The following SLC12A6 variants were observed in gnomAD, a reference collection of about 807,000 sequenced individuals.
The protein encoded by SLC12A6 is K-Cl cotransporter 3.
A neutral mutation model predicts 135.3 loss-of-function variants in SLC12A6; 66 were observed. That is an observed-to-expected ratio of 0.49 (90% CI 0.40 to 0.60). The LOEUF (loss-of-function observed/expected upper bound fraction) is 0.60. Ranked by LOEUF, SLC12A6 falls within the 20% of genes least tolerant of loss-of-function variation. The pLI, the probability that SLC12A6 is intolerant of heterozygous loss-of-function variation, is 0.00. For synonymous variants in SLC12A6, 513 were observed against 508.8 expected, an observed-to-expected ratio of 1.01 and a Z score of -0.11; for missense variants, 1,058 against 1,452.3, an observed-to-expected ratio of 0.73 and a Z score of 4.41.
At chr15:34,320,516 G>A (rs8028600) in intron 2 of SLC12A6, among the ~76,000 whole-genome samples, 37,277 of 151,170 alleles carry the variant, frequency 0.25, 4,682 homozygotes, top group Middle Eastern at 0.34. Flanking sequence ...GATTAAAGAG[G>A]AAAAAAAGAA....
intron 3 of SLC12A6, among the ~76,000 whole-genome samples, chr15:34,268,361 C>T (rs760188633): frequency 6.6e-5 from 10 of 152,150 alleles, no homozygotes; most frequent in Non-Finnish European, 1.2e-4. Flanking sequence ...CCAATGATGC[C>T]TCCAACCAAT....
At chr15:34,311,926 C>T (rs1232107236) in intron 2 of SLC12A6, among the ~76,000 whole-genome samples, 1 of 152,170 alleles carries the variant, frequency 6.6e-6, no homozygotes, top group Non-Finnish European at 1.5e-5. Flanking sequence ...TCCAGGGTCC[C>T]GTCCAGTTAA....
chr15:34,275,570 CAA>C (rs1207723330), intron 2 of SLC12A6, among the ~76,000 whole-genome samples, 181 bp from the exon 3 acceptor site: 1 of 151,992 alleles, frequency 6.6e-6, no homozygotes, highest in East Asian at 1.9e-4. Flanking sequence ...TCACATAGCT[CAA>C]AAAGTTAAAC....
At chr15:34,283,937 A>G (rs1036185050) in intron 2 of SLC12A6, among the ~76,000 whole-genome samples, 1 of 151,862 alleles carries the variant, frequency 6.6e-6, no homozygotes, top group South Asian at 2.1e-4. Context: ...TTTTATGGAG[A>G]CAGGATCTCC....
intron 5 of SLC12A6, among the ~76,000 whole-genome samples, chr15:34,258,112 TTCA>T (rs1230981061): frequency 1.3e-5 from 2 of 152,250 alleles, no homozygotes; most frequent in Non-Finnish European, 2.9e-5. Flanking sequence ...GTTGGCTTTT[TTCA>T]TTTAAAAACA....
chr15:34,302,735 G>C (rs538300942), intron 2 of SLC12A6, among the ~76,000 whole-genome samples: 1 of 151,850 alleles, frequency 6.6e-6, no homozygotes, highest in African/African-American at 2.4e-5. Flanking sequence ...ATGATTGCTT[G>C]GGCCTAGGAG....
chr15:34,285,236 C>A (rs1346902400), intron 2 of SLC12A6, among the ~76,000 whole-genome samples: 3 of 151,982 alleles, frequency 2.0e-5, no homozygotes, highest in Non-Finnish European at 4.4e-5. Context: ...TACAGTGGTC[C>A]AAGAAAAGAT....
At chr15:34,306,995 G>A (rs1350266862) in intron 2 of SLC12A6, among the ~76,000 whole-genome samples, 1 of 152,172 alleles carries the variant, frequency 6.6e-6, no homozygotes, top group Non-Finnish European at 1.5e-5. Flanking sequence ...GAGAACAGTG[G>A]TTGCCTAGGG....
rs2290942 is a variant in SLC12A6, at chr15:34,252,073, G to T, written c.1333+97C>A. The T allele has an allele frequency of 0.18, 126,507 of 711,280 alleles. 11,659 individuals carry two copies. Among genetic ancestry groups the T allele is most frequent in the Middle Eastern group, 0.25 (735 of 2,910 alleles). 44.1% of individuals were successfully genotyped at this position (711,280 alleles called of 1,614,324 possible). On this transcript the variant is annotated intron_variant, in intron 10 of 25. Transcript: ENST00000354181. ...GCTTAAGAAGGGAATTAGCACCATG[G>T]CAGTGAATCTTTATGGACAGTAGAG... is the stretch of plus-strand genomic sequence containing the variant.
At chr15:34,259,146 C>T (rs1892943645) in intron 4 of SLC12A6, among the ~76,000 whole-genome samples, 1 of 152,102 alleles carries the variant, frequency 6.6e-6, no homozygotes, top group Admixed American at 6.5e-5. Context: ...TTGAGACCAG[C>T]CTGGCCAAGA....
At chr15:34,259,430 G>T (rs1241762846) in intron 4 of SLC12A6, among the ~76,000 whole-genome samples, 1 of 151,778 alleles carries the variant, frequency 6.6e-6, no homozygotes, top group African/African-American at 2.4e-5. Context: ...CAGAAGGATC[G>T]CTTGAGCCCA....
intron 2 of SLC12A6, among the ~76,000 whole-genome samples, chr15:34,298,555 T>C (rs1018276670): frequency 2.6e-5 from 4 of 151,912 alleles, no homozygotes; most frequent in South Asian, 2.1e-4. Context: ...CTGAGCTAAA[T>C]CTTGAAGGAT....
intron 2 of SLC12A6, among the ~76,000 whole-genome samples, chr15:34,326,024 T>C (rs368993575): frequency 6.6e-6 from 1 of 152,208 alleles, no homozygotes; most frequent in Non-Finnish European, 1.5e-5. Context: ...TAGAGTAGGA[T>C]AGTTGATGGC....
intron 6 of SLC12A6, among the ~76,000 whole-genome samples, chr15:34,257,207 G>A (rs910054547): frequency 2.6e-5 from 4 of 152,048 alleles, no homozygotes; most frequent in Non-Finnish European, 4.4e-5. Context: ...TCTAAGGAAG[G>A]GATAAGGGAA....
At chr15:34,277,642 C>A (rs1894390188) in intron 2 of SLC12A6, among the ~76,000 whole-genome samples, 1 of 151,990 alleles carries the variant, frequency 6.6e-6, no homozygotes, top group African/African-American at 2.4e-5. Context: ...CTAGAAGAAC[C>A]TTGGTCATCA....
intron 2 of SLC12A6, among the ~76,000 whole-genome samples, chr15:34,284,277 C>CTTTTTTTTTTTTT (rs71415558): frequency 9.6e-4 from 89 of 92,452 alleles, no homozygotes; most frequent in East Asian, 1.4e-3. Flanking sequence ...TGTTTCTTTT[C>CTTTTTTTTTTTTT]TTTTTTTTTT....
At chr15:34,236,343 C>A in intron 23 of SLC12A6, 144 bp from the exon 24 acceptor site, 4 of 711,044 alleles carry the variant, frequency 5.6e-6, no homozygotes, top group Non-Finnish European at 9.9e-6. Flanking sequence ...AATATAGTAT[C>A]ATCCCTTTTT....
chr15:34,308,927 G>A (rs960666249), intron 2 of SLC12A6, among the ~76,000 whole-genome samples: 24 of 152,082 alleles, frequency 1.6e-4, no homozygotes, highest in Admixed American at 7.9e-4. Flanking sequence ...GTGGTGTGGC[G>A]AAAAATAATG....
intron 6 of SLC12A6, 142 bp from the exon 7 acceptor site, chr15:34,256,425 A>G: frequency 1.5e-6 from 1 of 684,498 alleles, no homozygotes; most frequent in Non-Finnish European, 2.7e-6. Flanking sequence ...TGGTATGGAA[A>G]TAAGATGATA....
Sources: gnomAD v4.1 joint callset for allele counts (sites outside exome capture counted in the v4.1 genomes callset) on GRCh38, gnomAD v4.1.1 for gene constraint, MANE v1.5 for transcripts, NCBI Gene and HGNC (gene_info 2026-07-23, HGNC 2026-07-21) for gene names.